Variants in PUDP observed in about 807,000 individuals in gnomAD.
The protein encoded by PUDP is pseudouridine-5'-phosphatase.
A neutral mutation model predicts 9.4 loss-of-function variants in PUDP; 8 were observed. The ratio of observed to expected loss-of-function variants is 0.85; its 90% CI spans 0.50 to 1.53. The LOEUF (loss-of-function observed/expected upper bound fraction) is 1.53, where lower values mean the gene tolerates loss of function less well. PUDP is among the 40% of genes most tolerant of loss of function. PUDP has a pLI of 0.00. For synonymous variants in PUDP, 99 were observed against 80.7 expected, an observed-to-expected ratio of 1.23 and a Z score of -1.22; for missense variants, 188 against 189.7, an observed-to-expected ratio of 0.99 and a Z score of 0.05.
rs761251740 is a variant in PUDP at position 6,966,295 on chromosome X, A to C, written c.*247+10838T>G. On this transcript the variant is annotated intron_variant and NMD_transcript_variant, in intron 3 of 3. Transcript: ENST00000655425. ...TACCACATCATACATATTGTCTTTC[A>C]CATACACACCCACCTGTAAAAGTTA... Among the ~76,000 whole-genome samples, 4 of 107,091 alleles carry C rather than the reference A, an allele frequency of 3.7e-5. No individual in the cohort carries two copies. The South Asian group carries it at 1.6e-3, about 42-fold the overall frequency. The allele number at this position is 107,091 out of a possible 115,157, so 93.0% of individuals were successfully genotyped here.
chrX:7,068,209 G>T (rs1401470671), intron 3 of PUDP, among the ~76,000 whole-genome samples: 5 of 112,316 alleles, frequency 4.5e-5, no homozygotes, highest in Admixed American at 3.8e-4. Context: ...ATTCTAATAA[G>T]AAATGACATT....
At chrX:6,804,525 C>T (rs930675511) in intron 3 of PUDP, among the ~76,000 whole-genome samples, 2 of 112,088 alleles carry the variant, frequency 1.8e-5, no homozygotes, top group African/African-American at 3.2e-5. Context: ...CACTGACAGT[C>T]TAACAAAAGT....
intron 3 of PUDP, among the ~76,000 whole-genome samples, chrX:6,823,315 T>C (rs1016478432): frequency 1.8e-5 from 2 of 112,323 alleles, no homozygotes; most frequent in Non-Finnish European, 3.8e-5. Flanking sequence ...CAAGGCTGTC[T>C]ATTGTGGGGG....
chrX:7,051,570 G>GA (rs1326890728), intron 3 of PUDP, among the ~76,000 whole-genome samples: 1 of 111,456 alleles, frequency 9.0e-6, no homozygotes, highest in Non-Finnish European at 1.9e-5. Context: ...AGTACTAAAA[G>GA]AAAAACCAAT....
chrX:7,092,154 A>G (rs1209166333), intron 2 of PUDP, among the ~76,000 whole-genome samples: 8 of 112,969 alleles, frequency 7.1e-5, no homozygotes. Context: ...ATCCTCACCT[A>G]CATAATGCAA....
At chrX:6,960,590 C>T (rs980706827) in intron 3 of PUDP, among the ~76,000 whole-genome samples, 1 of 112,090 alleles carries the variant, frequency 8.9e-6, no homozygotes, top group Non-Finnish European at 1.9e-5. Context: ...ATTGAGACTC[C>T]AGTATTCTGT....
intron 3 of PUDP, among the ~76,000 whole-genome samples, chrX:7,071,120 T>A (rs959936083): frequency 1.8e-5 from 2 of 111,836 alleles, no homozygotes; most frequent in Non-Finnish European, 3.8e-5. Flanking sequence ...GCTACATCTT[T>A]TTTTCAGTTT....
At chrX:6,719,301 G>A (rs1457231082) in intron 1 of PUDP, among the ~76,000 whole-genome samples, 2 of 111,118 alleles carry the variant, frequency 1.8e-5, no homozygotes, top group African/African-American at 3.3e-5. Flanking sequence ...CACCAGATTG[G>A]ATTAGGTCCC....
At chrX:6,945,183 G>A (rs1244362601) in intron 3 of PUDP, among the ~76,000 whole-genome samples, 6 of 111,173 alleles carry the variant, frequency 5.4e-5, no homozygotes, top group African/African-American at 9.8e-5. Context: ...CCTGATGTCA[G>A]TGTTTGGCTT....
chrX:7,036,594 T>G (rs1010852057), intron 1 of PUDP, among the ~76,000 whole-genome samples: 2 of 110,027 alleles, frequency 1.8e-5, no homozygotes, highest in African/African-American at 6.6e-5. Context: ...CTTTTCCATC[T>G]CACATGCTCA....
intron 3 of PUDP, among the ~76,000 whole-genome samples, chrX:6,729,335 T>C (rs1924781661): frequency 9.0e-6 from 1 of 111,721 alleles, no homozygotes; most frequent in Non-Finnish European, 1.9e-5. Flanking sequence ...GTCCCCACTT[T>C]GAGTTGTCCC....
intron 3 of PUDP, among the ~76,000 whole-genome samples, chrX:6,829,992 G>C (rs1012123503): frequency 9.1e-6 from 1 of 110,210 alleles, no homozygotes; most frequent in Non-Finnish European, 1.9e-5. Context: ...TCTAGTAATG[G>C]GATAAGAAGA....
intron 3 of PUDP, among the ~76,000 whole-genome samples, chrX:6,752,257 C>A (rs1418940576): frequency 1.8e-5 from 2 of 111,694 alleles, no homozygotes; most frequent in Non-Finnish European, 3.8e-5. Flanking sequence ...TTTAATCATT[C>A]CTCCTTTTTC....
intron 3 of PUDP, among the ~76,000 whole-genome samples, chrX:6,927,418 T>A (rs1398256831): frequency 8.9e-6 from 1 of 112,435 alleles, no homozygotes; most frequent in Non-Finnish European, 1.9e-5. Flanking sequence ...ATATTCCTTA[T>A]CAGATAACGA....
intron 1 of PUDP, among the ~76,000 whole-genome samples, chrX:7,136,614 T>TA (rs1439572554): frequency 9.0e-6 from 1 of 111,680 alleles, no homozygotes; most frequent in Non-Finnish European, 1.9e-5. Flanking sequence ...CACAGAGACT[T>TA]AAAAAATATA....
chrX:6,900,326 T>TTGGG (rs1432357525), intron 3 of PUDP, among the ~76,000 whole-genome samples: 11 of 81,609 alleles, frequency 1.3e-4, no homozygotes, highest in African/African-American at 5.1e-4. Context: ...TGTCACCACT[T>TTGGG]GGGGGGGGGG....
chrX:7,013,928 G>C (rs184717052), intron 1 of PUDP, among the ~76,000 whole-genome samples: 2 of 111,840 alleles, frequency 1.8e-5, no homozygotes, highest in South Asian at 3.8e-4. Flanking sequence ...CTTTTGCCCA[G>C]TGTCCCAGAA....
chrX:6,998,882 A>C (rs956348576), intron 1 of PUDP, among the ~76,000 whole-genome samples: 1 of 111,384 alleles, frequency 9.0e-6, no homozygotes, highest in African/African-American at 3.3e-5. Flanking sequence ...TACGGCAAAG[A>C]ACCAAAATGC....
intron 1 of PUDP, among the ~76,000 whole-genome samples, chrX:7,116,382 C>T (rs1368169487): frequency 3.6e-5 from 4 of 111,687 alleles, no homozygotes; most frequent in Non-Finnish European, 5.7e-5. Context: ...CCTGGGCTGC[C>T]GACTAGACTC....
Sources: allele counts gnomAD v4.1 joint callset (sites outside exome capture counted in the v4.1 genomes callset), GRCh38; gene constraint gnomAD v4.1.1; transcripts MANE v1.5; gene names NCBI Gene and HGNC (gene_info 2026-07-23, HGNC 2026-07-21).